The following MPP7 variants were observed in gnomAD, a reference collection of about 807,000 sequenced individuals.
MPP7 encodes MAGUK p55 subfamily member 7.
In MPP7, 60 loss-of-function variants were observed where a neutral mutation model predicts 76.5. That is an observed-to-expected ratio of 0.78 (90% CI 0.64 to 0.97). The LOEUF is 0.97. Ranked by LOEUF, MPP7 falls within the 50% of genes least tolerant of loss-of-function variation. MPP7 has a pLI of 0.00. For synonymous variants in MPP7, 237 were observed against 244.5 expected, an observed-to-expected ratio of 0.97 and a Z score of 0.29; for missense variants, 641 against 694.0, an observed-to-expected ratio of 0.92 and a Z score of 0.86.
rs976848571 is a variant in MPP7, at chr10:28,282,493, T to G, written c.-132+20368A>C. ...TACAGCAAATTAGGGCTCAGGTGGA[T>G]TCACTGAACTGGAGCTCATTAAAGC... On this transcript the variant is annotated intron_variant, in intron 1 of 16. Transcript: ENST00000683449. Among the ~76,000 whole-genome samples the G allele has an allele frequency of 4.2e-4, 64 of 152,144 alleles. 1 individual carries two copies. The highest frequency in any genetic ancestry group is 1.5e-3 in the African/African-American group (61 of 41,432).
At chr10:28,077,658 G>A (rs938139408) in intron 12 of MPP7, among the ~76,000 whole-genome samples, 4 of 152,162 alleles carry the variant, frequency 2.6e-5, no homozygotes, top group African/African-American at 9.7e-5. Flanking sequence ...ACTGAGTTAG[G>A]TTTATTCATA....
At chr10:28,277,116 G>A (rs1840525859) in intron 1 of MPP7, among the ~76,000 whole-genome samples, 1 of 152,000 alleles carries the variant, frequency 6.6e-6, no homozygotes, top group Admixed American at 6.6e-5. Context: ...GAGCCTGGGA[G>A]GTCAAGGCTG....
chr10:28,132,723 C>CA (rs1835233635), intron 5 of MPP7, among the ~76,000 whole-genome samples: 1 of 152,198 alleles, frequency 6.6e-6, no homozygotes, highest in African/African-American at 2.4e-5. Context: ...CTCAGCCTCC[C>CA]AAGTAGCTGG....
rs1484971316 is a variant in MPP7, at chr10:28,321,861, C to T, written c.-132+8068G>A. On this transcript the variant is annotated intron_variant, in intron 2 of 11. Coordinates refer to the MPP7 transcript ENST00000441595. ...TTGGCTTCCCAAAGTGCTGAGATTA[C>T]AGGTATGAGCCATGCCTAGCCAGAA... Among the ~76,000 whole-genome samples, 3 of 152,118 alleles carry T rather than the reference C, an allele frequency of 2.0e-5. No individual in the cohort carries two copies. The East Asian group carries it at 5.8e-4, about 29-fold the overall frequency.
intron 13 of MPP7, among the ~76,000 whole-genome samples, chr10:28,068,057 GT>G (rs950847032): frequency 8.7e-5 from 13 of 150,270 alleles, no homozygotes; most frequent in African/African-American, 2.9e-4. Flanking sequence ...TTAAAAATTC[GT>G]TTTTTTTTCT....
intron 1 of MPP7, among the ~76,000 whole-genome samples, chr10:28,292,937 T>C (rs1162479748): frequency 6.6e-6 from 1 of 152,014 alleles, no homozygotes; most frequent in East Asian, 1.9e-4. Flanking sequence ...CTAGGTTATT[T>C]AGTAAATGAG....
chr10:28,335,019 C>T (rs530194381), upstream of MPP7, among the ~76,000 whole-genome samples: 3 of 152,324 alleles, frequency 2.0e-5, no homozygotes, highest in African/African-American at 7.2e-5. Context: ...AATCAAGATG[C>T]TGCTGGGGCT....
At chr10:28,146,220 G>C (rs11006896) in intron 5 of MPP7, among the ~76,000 whole-genome samples, 22,530 of 152,038 alleles carry the variant, frequency 0.15, 1,956 homozygotes, top group East Asian at 0.36. Flanking sequence ...GAACTTTTCT[G>C]CTCTAATCTG....
intron 1 of MPP7, among the ~76,000 whole-genome samples, chr10:28,331,825 T>TCAGCCTCCC (rs1834473250): frequency 6.6e-6 from 1 of 152,194 alleles, no homozygotes; most frequent in Admixed American, 6.5e-5. Context: ...TTCAGCCACC[T>TCAGCCTCCC]CAGCCTCCCA....
rs1170895691 is a variant in MPP7, at chr10:28,051,408, TA to T, written c.*2656del. On this transcript the variant is annotated 3_prime_UTR_variant, in exon 17 of 17. Transcript: ENST00000683449. Reference sequence around the variant, plus strand: ...TACCAAGAACTTCCATATTGGTCAGTAAAATAAGGGTAAAAAATTAAATTTT... The same window carrying T: ...TACCAAGAACTTCCATATTGGTCAGTAAATAAGGGTAAAAAATTAAATTTT... The T allele has an allele frequency of 6.6e-6, 1 of 152,222 alleles. No individual in the cohort carries two copies. The highest frequency in any genetic ancestry group is 1.5e-5 in the Non-Finnish European group (1 of 68,036). The allele number at this position is 152,222 out of a possible 1,614,324, so 9.4% of individuals were successfully genotyped here.
At chr10:28,182,953 C>G (rs1309424212) in intron 3 of MPP7, among the ~76,000 whole-genome samples, 1 of 152,166 alleles carries the variant, frequency 6.6e-6, no homozygotes, top group Admixed American at 6.5e-5. Flanking sequence ...TGGCGCATGC[C>G]TATAATCCCA....
intron 1 of MPP7, among the ~76,000 whole-genome samples, chr10:28,270,739 G>A (rs1289031997): frequency 6.6e-6 from 1 of 152,114 alleles, no homozygotes; most frequent in Admixed American, 6.6e-5. Flanking sequence ...CTGTCTTTGG[G>A]GAACTTATTA....
intron 1 of MPP7, among the ~76,000 whole-genome samples, chr10:28,291,116 A>G (rs570279393): frequency 1.1e-4 from 16 of 152,258 alleles, no homozygotes; most frequent in Non-Finnish European, 2.2e-4. Flanking sequence ...GAATATTATC[A>G]TGAACAGCTA....
chr10:28,091,639 G>A (rs1032814000), intron 11 of MPP7, among the ~76,000 whole-genome samples: 1 of 152,164 alleles, frequency 6.6e-6, no homozygotes, highest in African/African-American at 2.4e-5. Flanking sequence ...TGAAAAAAAT[G>A]TAATAACTAA....
chr10:28,267,367 A>G (rs1840180325), intron 1 of MPP7, among the ~76,000 whole-genome samples: 1 of 152,234 alleles, frequency 6.6e-6, no homozygotes, highest in African/African-American at 2.4e-5. Flanking sequence ...GGTGAACAAA[A>G]CAGGCACATC....
At chr10:28,062,580 A>ACC (rs1554831048) in intron 13 of MPP7, among the ~76,000 whole-genome samples, 17 of 132,584 alleles carry the variant, frequency 1.3e-4, no homozygotes, top group Admixed American at 8.1e-4. Flanking sequence ...ACACACACAC[A>ACC]CCAAAGGTTG....
intron 1 of MPP7, among the ~76,000 whole-genome samples, chr10:28,333,649 A>G (rs1834489783): frequency 6.6e-6 from 1 of 152,260 alleles, no homozygotes; most frequent in Non-Finnish European, 1.5e-5. Flanking sequence ...GGCAGCACAG[A>G]TAATTACAGT....
intron 13 of MPP7, among the ~76,000 whole-genome samples, chr10:28,060,022 T>A (rs993447900): frequency 1.3e-5 from 2 of 151,718 alleles, no homozygotes; most frequent in East Asian, 3.9e-4. Context: ...GATACAAGAG[T>A]GCTATTTAAA....
chr10:28,210,202 C>T (rs537920339), intron 2 of MPP7, among the ~76,000 whole-genome samples: 3 of 152,288 alleles, frequency 2.0e-5, no homozygotes, highest in East Asian at 1.9e-4. Context: ...CTGGACTTCT[C>T]GACCTCCATA....
Sources: allele counts gnomAD v4.1 joint callset (sites outside exome capture counted in the v4.1 genomes callset), GRCh38; gene constraint gnomAD v4.1.1; transcripts MANE v1.5; gene names NCBI Gene and HGNC (gene_info 2026-07-23, HGNC 2026-07-21).